The following HELZ2 variants were observed in gnomAD, a reference collection of about 807,000 sequenced individuals.
HELZ2 encodes helicase with zinc finger 2.
Under a neutral mutation model 208.8 loss-of-function variants are expected in HELZ2, and 143 were observed. The observed-to-expected ratio is 0.68, with a 90% confidence interval of 0.60 to 0.79. The LOEUF is 0.79. Among genes scored for constraint, HELZ2 ranks in the 30% least tolerant of loss-of-function variants. HELZ2 has a pLI of 0.00. For missense variants in HELZ2, 3,690 were observed against 3,794.5 expected (o/e 0.97, Z 0.72); for synonymous variants, 1,705 against 1,693.7 (o/e 1.01, Z -0.16).
At position 63,563,871 on chromosome 20, in the gene HELZ2, C is replaced by T. The variant is rs778672680; in HGVS notation, c.4951G>A (p.Ala1651Thr). The change falls in exon 8 of 19, where the codon GCC (alanine) becomes ACC (threonine). Residue 1651 changes from alanine to threonine, a missense_variant. Transcript: ENST00000467148. ...CCGCCCTGCTGCTGGTGGCCCCGGG[C>T]GCAGCGGCCGAACGCCGAGCGCTCC... is the stretch of plus-strand genomic sequence containing the variant. The T allele has an allele frequency of 5.5e-5, 87 of 1,595,956 alleles. No individual in the cohort carries two copies. In the Middle Eastern group the frequency reaches 2.0e-3, roughly 36 times the overall value.
At chr20:63,559,328 A>G in exon 19 of HELZ2, 1 of 1,602,788 alleles carries the variant, frequency 6.2e-7, no homozygotes, top group Non-Finnish European at 8.5e-7. Context: ...GAAGTCCAGG[A>G]GGCTACGCCA....
chr20:63,562,066 C>A lies in HELZ2; in HGVS notation c.6529+6G>T, dbSNP rs764805027. 1.3e-6 allele frequency: 2 copies of A among 1,565,240 alleles called. No individual in the cohort carries two copies. Among genetic ancestry groups the A allele is most frequent in the Admixed American group, 1.7e-5 (1 of 58,082 alleles). On this transcript the variant is annotated splice_donor_region_variant and intron_variant, in intron 10 of 18. Coordinates refer to ENST00000467148, the Ensembl canonical transcript of HELZ2. ...CAGCCTGCGGCTCCCCCGGCATGGGCCCTACCTGGTGGGCCCTGAATGACC... is the reference window on the plus strand; with the variant it reads ...CAGCCTGCGGCTCCCCCGGCATGGGACCTACCTGGTGGGCCCTGAATGACC...
chr20:63,563,304 A>G (rs1348489752), exon 8 of HELZ2: 1 of 1,544,956 alleles, frequency 6.5e-7, no homozygotes, highest in Non-Finnish European at 8.7e-7. Flanking sequence ...GCCTCCGGCC[A>G]GCGCTGCAGC....
Position 63,563,683 on chromosome 20 carries a change from C to T in HELZ2, c.5139G>A (p.Gln1713=), listed in dbSNP as rs553480249. 1.4e-5 allele frequency: 22 copies of T among 1,577,572 alleles called. No homozygotes were observed. In the African/African-American group the frequency reaches 2.3e-4, roughly 16 times the overall value. Reference sequence around the variant, plus strand: ...GCTGATAGCTCTGGGCAAGTGCGTGCTGGAGGCTGAAGGCCTGGCAGAGCC... The same window carrying T: ...GCTGATAGCTCTGGGCAAGTGCGTGTTGGAGGCTGAAGGCCTGGCAGAGCC... Residue 1713 remains glutamine (Q), a synonymous_variant, in exon 8 of 19, where the codon CAG becomes CAA. Transcript: ENST00000467148.
chr20:63,570,948 A>C, intron 1 of HELZ2, 80 bp from the exon 3 acceptor site: 1 of 1,145,922 alleles, frequency 8.7e-7, no homozygotes, highest in South Asian at 1.5e-5. Context: ...CCCTCAGCCC[A>C]ATACTGGCCT....
chr20:63,562,439 G>A, intron 8 of HELZ2, 57 bp from the exon 10 acceptor site: 1 of 1,529,150 alleles, frequency 6.5e-7, no homozygotes, highest in Non-Finnish European at 8.8e-7. Context: ...AGGGGCTGCT[G>A]CCCCACGAGC....
At position 63,559,908 on chromosome 20, in the gene HELZ2, G is replaced by A; in HGVS notation, c.7825+20C>T. ...CCTCACCTGTGTTCCCACCCTGGAAGAGCCCAGCCCCGCCCTCACCGATCA... is the reference window on the plus strand; with the variant it reads ...CCTCACCTGTGTTCCCACCCTGGAAAAGCCCAGCCCCGCCCTCACCGATCA... On this transcript the variant is annotated intron_variant, in intron 18 of 18. Coordinates refer to ENST00000467148, the Ensembl canonical transcript of HELZ2. 6.2e-7 allele frequency: 1 copy of A among 1,604,064 alleles called. No individual in the cohort carries two copies. The highest frequency in any genetic ancestry group is 8.5e-7 in the Non-Finnish European group (1 of 1,178,604).
rs1053988585 is a variant in HELZ2 at position 63,567,831 on chromosome 20, G to A, written c.1731-204C>T. 9.8e-6 allele frequency: 12 copies of A among 1,220,628 alleles called. No individual in the cohort carries two copies. The African/African-American group carries it at 1.8e-4, about 19-fold the overall frequency. The allele number at this position is 1,220,628 out of a possible 1,614,324, so 75.6% of individuals were successfully genotyped here. ...AGGGCTTCAGGCAACACCTGGGCGA[G>A]CCCAGCGGCTCCTCTGACACTGCAG... On this transcript the variant is annotated intron_variant, in intron 5 of 18. Transcript: ENST00000467148.
exon 11 of HELZ2, chr20:63,561,869 G>A (rs2082891175): frequency 2.5e-6 from 4 of 1,571,572 alleles, no homozygotes; most frequent in Non-Finnish European, 3.5e-6. Context: ...AGTACAAGAT[G>A]CAGGGACCCC....
At chr20:63,566,040 A>G in exon 8 of HELZ2, 2 of 1,591,548 alleles carry the variant, frequency 1.3e-6, no homozygotes, top group Non-Finnish European at 1.7e-6. Context: ...AAGCTCTCCC[A>G]GAGCTTGCCG....
At chr20:63,566,521 G>A (rs1182938719) in intron 6 of HELZ2, 68 bp from the exon 8 acceptor site, 1 of 1,227,298 alleles carries the variant, frequency 8.1e-7, no homozygotes, top group Middle Eastern at 2.8e-4. Flanking sequence ...CCGACAAGGA[G>A]AGGGCACCCC....
In HELZ2 at chr20:63,559,284, G is replaced by A; in HGVS notation, c.7912C>T (p.Gln2638Ter). ...GTTGGCCTCCTGCAGACGCGCACCT[G>A]GCCGGCAGGCACGAGGGTCTGCTGA... Residue 2638 changes from glutamine (Q) to a stop codon, truncating the protein, a stop_gained, in exon 19 of 19, where the codon CAG becomes TAG. Transcript: ENST00000467148. LOFTEE classifies it high-confidence loss of function. 6.3e-7 allele frequency: 1 copy of A among 1,590,972 alleles called. No homozygotes were observed. Among genetic ancestry groups the A allele is most frequent in the Non-Finnish European group, 8.6e-7 (1 of 1,169,178 alleles).
chr20:63,560,788 G>A lies in HELZ2; in HGVS notation c.7281+7C>T. 6.2e-7 allele frequency: 1 copy of A among 1,608,764 alleles called. No individual in the cohort carries two copies. The highest frequency in any genetic ancestry group is 8.5e-7 in the Non-Finnish European group (1 of 1,177,784). On this transcript the variant is annotated splice_region_variant and intron_variant, in intron 15 of 18. Coordinates refer to ENST00000467148, the Ensembl canonical transcript of HELZ2. ...GGTGGGCTGGGGGCTGAGTGGGGCG[G>A]GCTCACCATGCGGTACTGAGTGTCC... is the stretch of plus-strand genomic sequence containing the variant.
At chr20:63,559,325 A>G (rs1427285310) in exon 19 of HELZ2, 9 of 1,602,944 alleles carry the variant, frequency 5.6e-6, no homozygotes, top group Admixed American at 1.7e-5. Context: ...GCAGAAGTCC[A>G]GGAGGCTACG....
exon 5 of HELZ2, chr20:63,568,708 C>T: frequency 6.2e-7 from 1 of 1,606,066 alleles, no homozygotes; most frequent in Non-Finnish European, 8.5e-7. Flanking sequence ...GGGCCTCAGG[C>T]TGCAGCCCCA....
chr20:63,572,122 G>A (rs1287234487), exon 1 of HELZ2: 16 of 1,609,740 alleles, frequency 9.9e-6, no homozygotes, highest in South Asian at 4.4e-5. Context: ...GGCAGAGCTC[G>A]AACTTGGAGA....
exon 8 of HELZ2, chr20:63,562,897 C>G: frequency 6.3e-7 from 1 of 1,599,984 alleles, no homozygotes; most frequent in Non-Finnish European, 8.5e-7. Flanking sequence ...GCGTCCGTGA[C>G]GCCTCCCAGG....
In HELZ2 at chr20:63,564,066, C is replaced by T. The variant is rs377146437; in HGVS notation, c.4756G>A (p.Gly1586Ser). 4.5e-5 allele frequency: 72 copies of T among 1,606,462 alleles called. No individual in the cohort carries two copies. In the African/African-American group the frequency reaches 7.7e-4, roughly 17 times the overall value. The change falls in exon 8 of 19, where the codon GGC becomes AGC. Residue 1586 changes from glycine to serine, a missense_variant. Gly to Ser is a moderately conservative substitution (Grantham distance 56). This residue lies in a region of HELZ2 where 2,564 missense variants were observed against 2,580.5 expected (regional missense o/e 0.99). Transcript: ENST00000467148. ...GTGTCGGGGGGACTGCCCCCGCCGC[C>T]GTGCAGGTGGTGGCCGAGGTGCAGT...
intron 5 of HELZ2, chr20:63,567,953 G>A (rs113369529): frequency 3.6e-6 from 2 of 549,718 alleles, no homozygotes; most frequent in Non-Finnish European, 6.4e-6. Flanking sequence ...TCCCCACTGG[G>A]CAGGGATGGG....
Sources: allele counts gnomAD v4.1 joint callset, GRCh38; gene constraint gnomAD v4.1.1; regional missense constraint gnomAD v4.1.1; transcripts MANE v1.5; gene names NCBI Gene and HGNC (gene_info 2026-07-23, HGNC 2026-07-21).